Variants in PDE10A observed in about 807,000 individuals in gnomAD.
PDE10A encodes the protein cAMP and cAMP-inhibited cGMP 3',5'-cyclic phosphodiesterase 10A.
PDE10A carries 39 observed loss-of-function variants against 97.7 expected under a neutral mutation model. The observed-to-expected ratio is 0.40, with a 90% confidence interval of 0.31 to 0.52. The LOEUF is 0.52. Ranked by LOEUF, PDE10A falls within the 20% of genes least tolerant of loss-of-function variation. The probability of loss-of-function intolerance (pLI) is 0.56; values close to 1 mark genes in which losing one functional copy is unlikely to be tolerated. For synonymous variants in PDE10A, 371 were observed against 376.8 expected (o/e 0.98, Z 0.18); for missense variants, 731 against 1,047.8 (o/e 0.70, Z 4.17).
chr6:165,977,355 C>G (rs931091036), intron 1 of PDE10A, among the ~76,000 whole-genome samples: 1 of 152,214 alleles, frequency 6.6e-6, no homozygotes, highest in Non-Finnish European at 1.5e-5. Context: ...GAAACCCACA[C>G]TACCAGCAAA....
chr6:165,718,687 G>A (rs59124757), intron 1 of PDE10A, among the ~76,000 whole-genome samples: 1,591 of 151,810 alleles, frequency 0.01, 31 homozygotes, highest in African/African-American at 0.037. Flanking sequence ...TCCTGGAGAA[G>A]CTGAACTGTA....
intron 2 of PDE10A, among the ~76,000 whole-genome samples, chr6:165,483,292 C>T (rs979483477): frequency 6.6e-6 from 1 of 152,194 alleles, no homozygotes; most frequent in African/African-American, 2.4e-5. Context: ...TGGAATGTAG[C>T]TCAATGCTAT....
intron 1 of PDE10A, among the ~76,000 whole-genome samples, chr6:165,709,405 C>T (rs1791828876): frequency 1.4e-5 from 2 of 145,126 alleles, no homozygotes; most frequent in African/African-American, 5.2e-5. Context: ...TGCCGCGCTC[C>T]CTCCACTCTC....
chr6:165,568,086 C>T (rs1410262038), intron 1 of PDE10A, among the ~76,000 whole-genome samples: 2 of 150,752 alleles, frequency 1.3e-5, no homozygotes, highest in African/African-American at 2.5e-5. Context: ...GCAAGCTCCG[C>T]CTCCTGGGTT....
chr6:165,936,299 T>G (rs1783325710), intron 1 of PDE10A, among the ~76,000 whole-genome samples: 1 of 152,108 alleles, frequency 6.6e-6, no homozygotes, highest in African/African-American at 2.4e-5. Context: ...GGGAATGTGA[T>G]GAACCATGGA....
chr6:165,951,531 C>G (rs539000930), intron 1 of PDE10A, among the ~76,000 whole-genome samples: 1 of 152,040 alleles, frequency 6.6e-6, no homozygotes, highest in African/African-American at 2.4e-5. Context: ...TGAAGCAGAG[C>G]GACATCCAGC....
chr6:165,478,328 C>G (rs1249482912), intron 3 of PDE10A, among the ~76,000 whole-genome samples: 5 of 152,114 alleles, frequency 3.3e-5, no homozygotes, highest in Non-Finnish European at 7.3e-5. Flanking sequence ...AGTACATTCC[C>G]CAACTGACTG....
At chr6:165,596,249 ATCCTT>A (rs1786586412) in intron 1 of PDE10A, among the ~76,000 whole-genome samples, 1 of 152,106 alleles carries the variant, frequency 6.6e-6, no homozygotes, top group African/African-American at 2.4e-5. Context: ...AGTATCCGCA[ATCCTT>A]TCATCTCTCA....
At chr6:165,530,496 A>C (rs1434037976) in intron 2 of PDE10A, among the ~76,000 whole-genome samples, 1 of 152,088 alleles carries the variant, frequency 6.6e-6, no homozygotes, top group Non-Finnish European at 1.5e-5. Context: ...AAAACTACCT[A>C]TTGAGTACTA....
At chr6:165,446,850 C>A (rs1790883478) in intron 5 of PDE10A, among the ~76,000 whole-genome samples, 1 of 151,986 alleles carries the variant, frequency 6.6e-6, no homozygotes, top group African/African-American at 2.4e-5. Flanking sequence ...AATCAGTGCC[C>A]CTAGAGAGAA....
intron 18 of PDE10A, among the ~76,000 whole-genome samples, chr6:165,377,860 A>G (rs1158801654): frequency 6.6e-6 from 1 of 152,222 alleles, no homozygotes. Flanking sequence ...AAGACATGCT[A>G]GAACACCCTA....
chr6:165,707,596 G>C (rs1791746978), intron 1 of PDE10A, among the ~76,000 whole-genome samples: 1 of 152,130 alleles, frequency 6.6e-6, no homozygotes, highest in African/African-American at 2.4e-5. Flanking sequence ...GTGTGTGAGT[G>C]TGTGACAGTG....
chr6:165,560,478 AAT>A lies in PDE10A; in HGVS notation c.866-16912_866-16911del, dbSNP rs77567744. Reference sequence around the variant, plus strand: ...GTCTTGCGATATTCTGAGCAAATCAAATAGTTACACAGGGTCTACAGAACTGT... The same window carrying A: ...GTCTTGCGATATTCTGAGCAAATCAAAGTTACACAGGGTCTACAGAACTGT... On this transcript the variant is annotated intron_variant, in intron 1 of 21. Transcript: ENST00000539869. Among the ~76,000 whole-genome samples, 3,340 of 152,304 alleles carry A rather than the reference AAT, an allele frequency of 0.022. 213 individuals carry two copies. In the East Asian group the frequency reaches 0.28, roughly 13 times the overall value.
In PDE10A at chr6:165,470,096, G is replaced by T. The variant is rs1034973978; in HGVS notation, c.1023+12219C>A. Among the ~76,000 whole-genome samples, 3 of 152,134 alleles carry T rather than the reference G, an allele frequency of 2.0e-5. No individual in the cohort carries two copies. In the South Asian group the frequency reaches 6.2e-4, roughly 31 times the overall value. On this transcript the variant is annotated intron_variant, in intron 3 of 21. Coordinates refer to ENST00000539869, the MANE Select transcript of PDE10A (RefSeq NM_001385079.1). ...GCTACGTAATTTATAAATACAAAAGGCTTATTTGGCTCACGGATCTGCTGG... is the reference window on the plus strand; with the variant it reads ...GCTACGTAATTTATAAATACAAAAGTCTTATTTGGCTCACGGATCTGCTGG...
chr6:165,420,777 C>T (rs571135375), intron 10 of PDE10A, among the ~76,000 whole-genome samples: 50 of 152,224 alleles, frequency 3.3e-4, no homozygotes, highest in African/African-American at 1.1e-3. Context: ...AAAAAAGGCA[C>T]CAGCCTAAAA....
intron 18 of PDE10A, among the ~76,000 whole-genome samples, chr6:165,349,506 G>A (rs1346376641): frequency 6.6e-6 from 1 of 152,204 alleles, no homozygotes; most frequent in Non-Finnish European, 1.5e-5. Flanking sequence ...GAGCATAAAA[G>A]TTTGAAAAAT....
At chr6:165,799,570 T>A (rs1037784547) in intron 1 of PDE10A, among the ~76,000 whole-genome samples, 1 of 152,198 alleles carries the variant, frequency 6.6e-6, no homozygotes, top group Non-Finnish European at 1.5e-5. Context: ...CACTGTTTCA[T>A]CCACTGTGAA....
intron 13 of PDE10A, among the ~76,000 whole-genome samples, chr6:165,411,698 A>G (rs1787851137): frequency 6.6e-6 from 1 of 152,236 alleles, no homozygotes; most frequent in African/African-American, 2.4e-5. Context: ...GAGAAAATAC[A>G]AACTGAATCA....
At chr6:165,793,293 G>A (rs901364378) in intron 1 of PDE10A, among the ~76,000 whole-genome samples, 4 of 151,336 alleles carry the variant, frequency 2.6e-5, no homozygotes, top group South Asian at 2.1e-4. Flanking sequence ...AGAAGTCCTC[G>A]GCCTTATAAG....
Sources: allele counts gnomAD v4.1 joint callset (sites outside exome capture counted in the v4.1 genomes callset), GRCh38; gene constraint gnomAD v4.1.1; transcripts MANE v1.5; gene names NCBI Gene and HGNC (gene_info 2026-07-23, HGNC 2026-07-21).